Variants in TRRAP observed in about 807,000 individuals in gnomAD.
TRRAP encodes transformation/transcription domain-associated protein.
In TRRAP, 41 loss-of-function variants were observed where a neutral mutation model predicts 438.8. The ratio of observed to expected loss-of-function variants is 0.09; its 90% CI spans 0.07 to 0.12. The LOEUF (loss-of-function observed/expected upper bound fraction) is 0.12. Ranked by LOEUF, TRRAP falls within the 10% of genes least tolerant of loss-of-function variation. The pLI is 1.00. For synonymous variants in TRRAP, 1,994 were observed against 1,962.9 expected (o/e 1.02, Z -0.42); for missense variants, 3,122 against 5,055.1 (o/e 0.62, Z 11.60).
At chr7:99,010,999 T>G in intron 70 of TRRAP, 53 bp from the exon 71 acceptor site, 1 of 1,551,762 alleles carries the variant, frequency 6.4e-7, no homozygotes. Context: ...ATTTTTCTTT[T>G]CCAAAAAAAA....
chr7:98,915,536 A>G (rs1554409448), intron 18 of TRRAP, among the ~76,000 whole-genome samples, 187 bp from the exon 19 acceptor site: 2 of 152,212 alleles, frequency 1.3e-5, no homozygotes, highest in African/African-American at 4.8e-5. Flanking sequence ...ATACCAACAT[A>G]TACTTTAAGA....
intron 37 of TRRAP, 53 bp from the exon 38 acceptor site, chr7:98,950,011 T>C (rs1791259968): frequency 2.5e-6 from 4 of 1,608,954 alleles, no homozygotes; most frequent in East Asian, 4.5e-5. Context: ...AGAGGCGTAG[T>C]TGTTAATGAA....
chr7:98,979,036 C>T, intron 58 of TRRAP, 132 bp downstream of exon 58: 2 of 1,127,156 alleles, frequency 1.8e-6, no homozygotes, highest in South Asian at 1.5e-5. Context: ...GGAAAGGTTC[C>T]TTTTGATTGT....
intron 43 of TRRAP, among the ~76,000 whole-genome samples, chr7:98,957,018 T>C (rs1329577382): frequency 1.3e-5 from 2 of 152,142 alleles, no homozygotes; most frequent in Non-Finnish European, 2.9e-5. Flanking sequence ...TCTGGCTTCG[T>C]AGGCCTGAGG....
chr7:98,930,669 C>T lies in TRRAP; in HGVS notation c.3430C>T (p.Arg1144Cys), dbSNP rs1020415712. Reference protein sequence around the residue: ...QLPLFSYIVERLCACCYEQAW... With the variant: ...QLPLFSYIVECLCACCYEQAW... Reference sequence around the variant, plus strand: ...GCCCCTGTTTTCTTACATCGTGGAGCGCCTGTGTGCATGTTGTTATGAACA... The same window carrying T: ...GCCCCTGTTTTCTTACATCGTGGAGTGCCTGTGTGCATGTTGTTATGAACA... The change falls in exon 25 of 73, where the codon CGC becomes TGC. Residue 1144 changes from arginine to cysteine, a missense_variant. Coordinates refer to ENST00000456197, the MANE Select transcript of TRRAP (RefSeq NM_001375524.1). The T allele has an allele frequency of 5.0e-6, 8 of 1,613,946 alleles. No individual in the cohort carries two copies. In the Admixed American group the frequency reaches 5.0e-5, roughly 10 times the overall value.
intron 67 of TRRAP, among the ~76,000 whole-genome samples, chr7:99,001,549 A>C (rs1793920915): frequency 6.6e-6 from 1 of 152,186 alleles, no homozygotes; most frequent in Non-Finnish European, 1.5e-5. Flanking sequence ...AAAAAATAAA[A>C]AATCACAAAA....
chr7:99,003,219 G>A (rs922998609), intron 67 of TRRAP, among the ~76,000 whole-genome samples: 1 of 152,220 alleles, frequency 6.6e-6, no homozygotes, highest in African/African-American at 2.4e-5. Flanking sequence ...AGGAAGTCGA[G>A]GCGTTCTACA....
chr7:98,944,376 T>C (rs529768890), intron 31 of TRRAP, among the ~76,000 whole-genome samples: 12 of 152,284 alleles, frequency 7.9e-5, no homozygotes, highest in African/African-American at 2.6e-4. Flanking sequence ...AATAAAATAT[T>C]TCATAAAAGT....
Position 98,897,776 on chromosome 7 carries a change from G to C in TRRAP, c.543G>C (p.Glu181Asp). ...TTGAGAACCCTCAAGTGATCCCCGA[G>C]AACACAGTGCCTCCCCCAGAAATGG... is the stretch of plus-strand genomic sequence containing the variant. ...RYFENPQVIP[E>D]NTVPPPEMVG... The change falls in exon 8 of 73, where the codon GAG becomes GAC. Residue 181 changes from glutamate to aspartate, a missense_variant. Glu to Asp is a conservative substitution (Grantham distance 45). Around this residue, in one of 24 missense-constraint regions of TRRAP, gnomAD observed 343 missense variants for 564.0 expected, o/e 0.61. Coordinates refer to ENST00000456197, the MANE Select transcript of TRRAP (RefSeq NM_001375524.1). 2.5e-6 allele frequency: 4 copies of C among 1,613,830 alleles called. No individual in the cohort carries two copies. The highest frequency in any genetic ancestry group is 3.4e-6 in the Non-Finnish European group (4 of 1,179,958).
At position 98,967,101 on chromosome 7, in the gene TRRAP, C is replaced by T. The variant is rs569701260; in HGVS notation, c.7237C>T (p.Arg2413Cys). The change falls in exon 50 of 73, where the codon CGC becomes TGC. Residue 2413 changes from arginine (R) to cysteine (C), a missense_variant. Arg to Cys is a radical substitution (Grantham distance 180). This residue lies in a region of TRRAP where 992 missense variants were observed against 1,281.2 expected (regional missense o/e 0.77). Coordinates refer to ENST00000456197, the MANE Select transcript of TRRAP (RefSeq NM_001375524.1). ...LVKMMTYIEK[R>C]FPEDLELNAQ... is the part of the protein sequence containing the mutation. ...GAAGATGATGACTTACATAGAAAAA[C>T]GCTTTCCGGAAGACCTTGAATTAAA... 1 of 1,614,006 alleles carries T rather than the reference C, an allele frequency of 6.2e-7. No homozygotes were observed. The highest frequency in any genetic ancestry group is 1.1e-5 in the South Asian group (1 of 91,070).
At chr7:98,882,774 G>C (rs1795513502) in intron 3 of TRRAP, among the ~76,000 whole-genome samples, 1 of 151,798 alleles carries the variant, frequency 6.6e-6, no homozygotes. Context: ...CGATTCTCCT[G>C]CCGTAGCCTC....
chr7:98,946,433 A>T (rs1437623639), intron 33 of TRRAP, among the ~76,000 whole-genome samples: 1 of 151,890 alleles, frequency 6.6e-6, no homozygotes, highest in Non-Finnish European at 1.5e-5. Flanking sequence ...ACACATGCAC[A>T]CACACCGATG....
intron 4 of TRRAP, 96 bp from the exon 5 acceptor site, chr7:98,892,328 G>A (rs1796014613): frequency 9.7e-7 from 1 of 1,026,206 alleles, no homozygotes; most frequent in Non-Finnish European, 1.5e-6. Flanking sequence ...AGTGCTGGGT[G>A]TAAACAGCTG....
intron 64 of TRRAP, among the ~76,000 whole-genome samples, chr7:98,991,239 G>C (rs1305294626): frequency 6.6e-6 from 1 of 152,200 alleles, no homozygotes; most frequent in East Asian, 1.9e-4. Context: ...CGGAAGCGTG[G>C]CTACAGTGAG....
intron 67 of TRRAP, among the ~76,000 whole-genome samples, chr7:98,996,224 C>T (rs1487227943): frequency 6.6e-6 from 1 of 152,242 alleles, no homozygotes; most frequent in Non-Finnish European, 1.5e-5. Context: ...TGCGCATCCA[C>T]ATCCCATTGT....
intron 12 of TRRAP, among the ~76,000 whole-genome samples, chr7:98,903,912 C>T (rs73155615): frequency 0.028 from 4,182 of 152,006 alleles, 83 homozygotes; most frequent in South Asian, 0.053. Context: ...TAGCCGGGCA[C>T]GGTTCTCGTG....
intron 67 of TRRAP, among the ~76,000 whole-genome samples, chr7:98,996,695 T>C (rs1340849342): frequency 6.6e-6 from 1 of 152,196 alleles, no homozygotes; most frequent in Non-Finnish European, 1.5e-5. Flanking sequence ...CATGAAACTA[T>C]CTGGTTAAAA....
intron 18 of TRRAP, among the ~76,000 whole-genome samples, chr7:98,912,864 T>C (rs1789338946): frequency 6.6e-6 from 1 of 152,130 alleles, no homozygotes; most frequent in African/African-American, 2.4e-5. Context: ...TGCAAGGTTG[T>C]TTGACAAGGA....
At chr7:98,963,778 G>C (rs1156752722) in intron 47 of TRRAP, among the ~76,000 whole-genome samples, 6 of 152,158 alleles carry the variant, frequency 3.9e-5, no homozygotes, top group Non-Finnish European at 7.3e-5. Context: ...CGTGAATACA[G>C]ATTTAAAATT....
Sources: gnomAD v4.1 joint callset for allele counts (sites outside exome capture counted in the v4.1 genomes callset) on GRCh38, gnomAD v4.1.1 for gene constraint, gnomAD v4.1.1 regional missense constraint, MANE v1.5 for transcripts, NCBI Gene and HGNC (gene_info 2026-07-23, HGNC 2026-07-21) for gene names.